The following NTRK2 variants were observed in gnomAD, a reference collection of about 807,000 sequenced individuals.
NTRK2 encodes the protein neurotrophic receptor tyrosine kinase 2, also known as BDNF/NT-3 growth factors receptor.
NTRK2 carries 13 observed loss-of-function variants against 94.5 expected under a neutral mutation model. The ratio of observed to expected loss-of-function variants is 0.14; its 90% confidence interval spans 0.09 to 0.22. The LOEUF (loss-of-function observed/expected upper bound fraction) is 0.22, where lower values mean the gene tolerates loss of function less well. Among genes scored for constraint, NTRK2 ranks in the 10% least tolerant of loss-of-function variants. The pLI is 1.00. For synonymous variants in NTRK2, 372 were observed against 407.4 expected (o/e 0.91, Z 1.05); for missense variants, 639 against 1,071.2 (o/e 0.60, Z 5.63).
intron 13 of NTRK2, among the ~76,000 whole-genome samples, chr9:84,864,143 T>C (rs1163821079): frequency 6.6e-6 from 1 of 152,090 alleles, no homozygotes; most frequent in Non-Finnish European, 1.5e-5. Context: ...TCAAAAATGA[T>C]TGAATGCTGC....
chr9:84,781,731 A>G (rs1272567847), intron 12 of NTRK2, among the ~76,000 whole-genome samples: 1 of 152,216 alleles, frequency 6.6e-6, no homozygotes, highest in Non-Finnish European at 1.5e-5. Flanking sequence ...TAATTGACAT[A>G]GCTTAGAGAG....
intron 12 of NTRK2, among the ~76,000 whole-genome samples, chr9:84,827,094 T>G (rs1309630133): frequency 6.6e-6 from 1 of 152,226 alleles, no homozygotes; most frequent in African/African-American, 2.4e-5. Flanking sequence ...AAGAATATCA[T>G]TACATTATCA....
At chr9:84,970,649 C>T (rs573614033) in intron 17 of NTRK2, among the ~76,000 whole-genome samples, 2 of 152,174 alleles carry the variant, frequency 1.3e-5, no homozygotes, top group Non-Finnish European at 2.9e-5. Context: ...ATTCAGCCCA[C>T]ATTACTCCAC....
intron 17 of NTRK2, among the ~76,000 whole-genome samples, chr9:84,975,062 G>A (rs1053977170): frequency 3.3e-5 from 5 of 152,248 alleles, no homozygotes; most frequent in Admixed American, 6.5e-5. Flanking sequence ...GGAGCACCTT[G>A]GAAGGCGGCA....
intron 11 of NTRK2, among the ~76,000 whole-genome samples, chr9:84,747,474 T>G (rs1029445935): frequency 5.0e-5 from 6 of 119,662 alleles, no homozygotes; most frequent in African/African-American, 1.3e-4. Context: ...GTTTTCTGGG[T>G]TTTTTTTTTT....
intron 12 of NTRK2, chr9:84,811,015 T>A (rs2071722867): frequency 9.0e-7 from 1 of 1,108,812 alleles, no homozygotes; most frequent in African/African-American, 1.6e-5. Flanking sequence ...CAGGTATAAG[T>A]GCACACTGAA....
intron 17 of NTRK2, among the ~76,000 whole-genome samples, chr9:84,982,439 T>A (rs1361632012): frequency 6.6e-6 from 1 of 152,146 alleles, no homozygotes; most frequent in African/African-American, 2.4e-5. Context: ...TCCAGAAATC[T>A]CCCCTAGGAA....
chr9:85,022,295 T>C lies in NTRK2; in HGVS notation c.*858T>C, dbSNP rs1832823013. The C allele has an allele frequency of 4.3e-6, 1 of 233,136 alleles. No individual in the cohort carries two copies. The highest frequency in any genetic ancestry group is 8.5e-6 in the Non-Finnish European group (1 of 117,966). The allele number at this position is 233,136 out of a possible 1,614,324, so 14.4% of individuals were successfully genotyped here. On this transcript the variant is annotated 3_prime_UTR_variant, in exon 19 of 19. Transcript: ENST00000277120. The stretch of plus-strand genomic sequence containing the variant: ...ATTCTTTTCCCATCACCAGAAATGA[T>C]AGCGTGCAGTAGAGAGCAAAGATGG...
chr9:84,790,154 C>T (rs778727522), intron 12 of NTRK2, among the ~76,000 whole-genome samples: 21 of 152,110 alleles, frequency 1.4e-4, no homozygotes, highest in Non-Finnish European at 2.6e-4. Flanking sequence ...TCTCAGAGAA[C>T]ACTTTTAGTC....
intron 17 of NTRK2, among the ~76,000 whole-genome samples, chr9:84,988,654 G>T (rs896161579): frequency 2.6e-5 from 4 of 152,220 alleles, no homozygotes; most frequent in African/African-American, 9.6e-5. Context: ...TAATGAGCCT[G>T]AGCCCTTTGA....
At chr9:84,748,112 C>A (rs1322700253) in intron 11 of NTRK2, among the ~76,000 whole-genome samples, 2 of 152,164 alleles carry the variant, frequency 1.3e-5, no homozygotes, top group African/African-American at 4.8e-5. Context: ...GCAGATCTCC[C>A]TTGTTCTATC....
chr9:85,004,055 G>GAAAAGA (rs1564542269), intron 17 of NTRK2, among the ~76,000 whole-genome samples: 2 of 34,150 alleles, frequency 5.9e-5, no homozygotes, highest in Non-Finnish European at 6.6e-5. Context: ...GGGAGAAAGA[G>GAAAAGA]AAAGAAAGGA....
chr9:84,736,591 G>T (rs922788885), intron 9 of NTRK2, among the ~76,000 whole-genome samples: 4 of 152,194 alleles, frequency 2.6e-5, no homozygotes, highest in Admixed American at 6.5e-5. Context: ...GTGAAGGAGA[G>T]AAATTTATGT....
intron 11 of NTRK2, among the ~76,000 whole-genome samples, chr9:84,749,672 A>G (rs1037995883): frequency 5.9e-5 from 9 of 152,304 alleles, no homozygotes; most frequent in African/African-American, 2.2e-4. Flanking sequence ...ACCTGCATTA[A>G]CTCATTGAGG....
chr9:84,956,501 A>G (rs187181200), intron 17 of NTRK2, among the ~76,000 whole-genome samples: 21 of 152,316 alleles, frequency 1.4e-4, no homozygotes, highest in Non-Finnish European at 1.8e-4. Flanking sequence ...TTGATTTTCT[A>G]CCAACCCTCA....
chr9:84,935,892 G>A (rs2078198801), intron 15 of NTRK2, among the ~76,000 whole-genome samples: 1 of 152,110 alleles, frequency 6.6e-6, no homozygotes, highest in Non-Finnish European at 1.5e-5. Context: ...AGACCAAAAG[G>A]TAGCTCTATT....
chr9:84,680,005 C>T (rs888276324), intron 2 of NTRK2, among the ~76,000 whole-genome samples: 8 of 152,108 alleles, frequency 5.3e-5, no homozygotes, highest in African/African-American at 1.9e-4. Context: ...TTCTAACTGA[C>T]CTCTTTGGTT....
At chr9:84,953,852 C>A (rs1414347029) in intron 16 of NTRK2, among the ~76,000 whole-genome samples, 1 of 152,196 alleles carries the variant, frequency 6.6e-6, no homozygotes, top group African/African-American at 2.4e-5. Context: ...GGGAGACCCC[C>A]CAACTCCTGT....
intron 14 of NTRK2, among the ~76,000 whole-genome samples, chr9:84,932,046 A>G (rs1190015966): frequency 6.6e-6 from 1 of 152,220 alleles, no homozygotes; most frequent in Non-Finnish European, 1.5e-5. Flanking sequence ...AGAGGCTCAC[A>G]AAAGCATTCA....
Sources: gnomAD v4.1 joint callset for allele counts (sites outside exome capture counted in the v4.1 genomes callset) on GRCh38, gnomAD v4.1.1 for gene constraint, MANE v1.5 for transcripts, NCBI Gene and HGNC (gene_info 2026-07-23, HGNC 2026-07-21) for gene names.